ACACA: variants seen among roughly 807,000 people sequenced by gnomAD.
The protein encoded by ACACA is acetyl-CoA carboxylase alpha.
A neutral mutation model predicts 296.1 loss-of-function variants in ACACA; 103 were observed. The observed-to-expected ratio is 0.35, with a 90% CI of 0.30 to 0.41. The LOEUF (loss-of-function observed/expected upper bound fraction) is 0.41. Among genes scored for constraint, ACACA ranks in the 10% least tolerant of loss-of-function variants. ACACA has a pLI of 1.00. For missense variants in ACACA, 1,554 were observed against 2,989.7 expected (o/e 0.52, Z 11.20); for synonymous variants, 953 against 1,038.6 (o/e 0.92, Z 1.58).
intron 3 of ACACA, among the ~76,000 whole-genome samples, chr17:37,296,680 C>G: frequency 6.6e-6 from 1 of 151,852 alleles, no homozygotes; most frequent in Non-Finnish European, 1.5e-5. Flanking sequence ...CCCAAAGGCC[C>G]CACTTCTTGA....
chr17:37,202,807 G>C (rs1331421115), intron 33 of ACACA, among the ~76,000 whole-genome samples: 4 of 149,934 alleles, frequency 2.7e-5, no homozygotes, highest in Admixed American at 2.0e-4. Flanking sequence ...TCTATGCTTA[G>C]AGTGTCAGCA....
intron 29 of ACACA, among the ~76,000 whole-genome samples, chr17:37,220,440 T>C (rs1438920100): frequency 1.3e-5 from 2 of 152,150 alleles, no homozygotes; most frequent in Non-Finnish European, 2.9e-5. Flanking sequence ...GTATAGCGTG[T>C]AGTTCTCTAC....
Position 37,245,064 on chromosome 17 carries a change from G to T in ACACA, c.2595+16C>A, listed in dbSNP as rs767828807. 2 of 1,614,150 alleles carry T rather than the reference G, an allele frequency of 1.2e-6. No homozygotes were observed. Among genetic ancestry groups the T allele is most frequent in the Non-Finnish European group, 1.7e-6 (2 of 1,180,028 alleles). On this transcript the variant is annotated intron_variant, in intron 20 of 55. Coordinates refer to ENST00000616317, the MANE Select transcript of ACACA (RefSeq NM_198834.3). ...TAGCTCTTAGAGAGCAATATTCGGA[G>T]CACCTTCCTACTCACCTGCTGAACC...
intron 1 of ACACA, among the ~76,000 whole-genome samples, chr17:37,362,420 T>G (rs1452821532): frequency 6.6e-6 from 1 of 152,154 alleles, no homozygotes; most frequent in Non-Finnish European, 1.5e-5. Context: ...GTCTTCAAGG[T>G]GATTATAGTC....
chr17:37,183,519 T>C (rs1567777934), intron 39 of ACACA, among the ~76,000 whole-genome samples: 1 of 152,144 alleles, frequency 6.6e-6, no homozygotes, highest in Non-Finnish European at 1.5e-5. Context: ...ACAGGTTATC[T>C]TGGAAAATTA....
chr17:37,381,776 C>G (rs553701995), intron 1 of ACACA, among the ~76,000 whole-genome samples: 2 of 151,696 alleles, frequency 1.3e-5, no homozygotes, highest in South Asian at 4.1e-4. Context: ...TACAGGCACT[C>G]GCCACCACAC....
chr17:37,307,145 TCTA>T (rs1165253478), intron 3 of ACACA, among the ~76,000 whole-genome samples: 1 of 152,258 alleles, frequency 6.6e-6, no homozygotes, highest in Admixed American at 6.5e-5. Context: ...ACTTACCTAT[TCTA>T]CTATTCACGG....
intron 1 of ACACA, among the ~76,000 whole-genome samples, chr17:37,394,909 A>G (rs8078306): frequency 0.13 from 19,676 of 150,828 alleles, 1,474 homozygotes; most frequent in East Asian, 0.25. Flanking sequence ...TATATATAAA[A>G]TATATAATAA....
At chr17:37,405,855 CTTTTTTTT>C (rs3049528) in intron 1 of ACACA, among the ~76,000 whole-genome samples, 2 of 53,560 alleles carry the variant, frequency 3.7e-5, no homozygotes, top group Admixed American at 2.4e-4. Flanking sequence ...CCCGGCAGGG[CTTTTTTTT>C]TTTTTTTTTT....
chr17:37,258,319 C>A lies in ACACA; in HGVS notation c.1555G>T (p.Val519Leu), dbSNP rs1567895478. ...ATGGGAGAATCACCCCAGGGAGATA[C>A]CCCATACATCATACGGATATCCTTG... The part of the protein sequence containing the change: ...RIKDIRMMYG[V>L]SPWGDSPIDF... Residue 519 changes from valine (V) to leucine (L), a missense_variant, in exon 13 of 56, where the codon GTA (valine) becomes TTA (leucine). Val to Leu is a conservative substitution (Grantham distance 32, BLOSUM62 1). Coordinates refer to ENST00000616317, the MANE Select transcript of ACACA (RefSeq NM_198834.3). 1.2e-6 allele frequency: 2 copies of A among 1,613,984 alleles called. No homozygotes were observed.
chr17:37,339,834 T>A lies in ACACA; in HGVS notation c.55A>T (p.Ile19Leu). The change falls in exon 2 of 56, where the codon ATA (isoleucine) becomes TTA (leucine). Residue 19 changes from isoleucine to leucine, a missense_variant. Physicochemically the swap from Ile to Leu is conservative, Grantham distance 5 (BLOSUM62 2). This residue lies in a region of ACACA where 140 missense variants were observed against 147.7 expected (regional missense o/e 0.95). Transcript: ENST00000616317. ...ILRARSFWKW[I>L]STQTVRIIRA... ...ATAATTCTTACTGTCTGAGTAGATA[T>A]CCACTTCCAAAAAGACCTAGAGAGA... 7.3e-7 allele frequency: 1 copy of A among 1,375,564 alleles called. No individual in the cohort carries two copies. 85.2% of individuals were successfully genotyped at this position (1,375,564 alleles called of 1,614,324 possible).
At chr17:37,311,871 C>CA (rs758323265) in intron 3 of ACACA, among the ~76,000 whole-genome samples, 3,656 of 67,224 alleles carry the variant, frequency 0.054, 142 homozygotes, top group African/African-American at 0.16. Context: ...GACCCTGTCT[C>CA]AAAAAAAAAA....
chr17:37,349,807 C>T (rs1055400514), intron 1 of ACACA, among the ~76,000 whole-genome samples: 5 of 152,030 alleles, frequency 3.3e-5, no homozygotes, highest in African/African-American at 1.2e-4. Flanking sequence ...GATCCGCCTG[C>T]CTCAGCCTCC....
chr17:37,118,888 G>C (rs530177189), intron 50 of ACACA, among the ~76,000 whole-genome samples: 1 of 152,142 alleles, frequency 6.6e-6, no homozygotes, highest in Non-Finnish European at 1.5e-5. Context: ...GTTACAGCGC[G>C]GCAGCCAATC....
chr17:37,129,149 G>A (rs1438594896), intron 47 of ACACA, among the ~76,000 whole-genome samples: 1 of 152,152 alleles, frequency 6.6e-6, no homozygotes, highest in Non-Finnish European at 1.5e-5. Context: ...TGACTTAATG[G>A]GTGATTGGGA....
intron 39 of ACACA, among the ~76,000 whole-genome samples, chr17:37,185,648 A>C (rs1162952245): frequency 6.6e-6 from 1 of 151,662 alleles, no homozygotes; most frequent in African/African-American, 2.4e-5. Context: ...AGCTCACTAC[A>C]ACCTCCGCCT....
chr17:37,361,273 G>A (rs901820213), intron 1 of ACACA, among the ~76,000 whole-genome samples: 9 of 151,980 alleles, frequency 5.9e-5, no homozygotes, highest in East Asian at 5.8e-4. Flanking sequence ...TCTTGACCTC[G>A]TGATCCGCCC....
At chr17:37,150,543 A>G (rs1018267068) in intron 44 of ACACA, among the ~76,000 whole-genome samples, 2 of 149,664 alleles carry the variant, frequency 1.3e-5, no homozygotes, top group African/African-American at 2.4e-5. Flanking sequence ...CTCTGTCTCA[A>G]AAAAAAAAAG....
At chr17:37,236,799 T>C (rs1272629476) in intron 24 of ACACA, among the ~76,000 whole-genome samples, 1 of 152,120 alleles carries the variant, frequency 6.6e-6, no homozygotes, top group African/African-American at 2.4e-5. Flanking sequence ...CACTCCAGCT[T>C]GGGTGTCAGA....
Sources: gnomAD v4.1 joint callset for allele counts (sites outside exome capture counted in the v4.1 genomes callset) on GRCh38, gnomAD v4.1.1 for gene constraint, gnomAD v4.1.1 regional missense constraint, MANE v1.5 for transcripts, NCBI Gene and HGNC (gene_info 2026-07-23, HGNC 2026-07-21) for gene names.